PANX1: variants seen among roughly 807,000 people sequenced by gnomAD.
The protein encoded by PANX1 is pannexin-1.
A neutral mutation model predicts 38.7 loss-of-function variants in PANX1; 30 were observed. That is an observed-to-expected ratio of 0.78 (90% CI 0.58 to 1.05). The LOEUF is 1.05. Among genes scored for constraint, PANX1 ranks in the 50% least tolerant of loss-of-function variants. PANX1 has a pLI of 0.00. For synonymous variants in PANX1, 230 were observed against 212.2 expected, an observed-to-expected ratio of 1.08 and a Z score of -0.73; for missense variants, 551 against 517.2, an observed-to-expected ratio of 1.07 and a Z score of -0.63.
At chr11:94,168,995 G>C (rs780046280) in intron 2 of PANX1, among the ~76,000 whole-genome samples, 3 of 151,700 alleles carry the variant, frequency 2.0e-5, no homozygotes, top group Non-Finnish European at 4.4e-5. Flanking sequence ...TGAAGAAGCA[G>C]ATTTTGGAGG....
At chr11:94,144,233 A>AT (rs899146132) in intron 1 of PANX1, among the ~76,000 whole-genome samples, 16 of 151,258 alleles carry the variant, frequency 1.1e-4, no homozygotes, top group African/African-American at 3.2e-4. Context: ...TCCCTCCCCC[A>AT]TTTTTTTTCC....
intron 1 of PANX1, among the ~76,000 whole-genome samples, chr11:94,140,135 A>G (rs1356166273): frequency 1.3e-5 from 2 of 152,252 alleles, no homozygotes; most frequent in African/African-American, 2.4e-5. Flanking sequence ...AGTATGAAGG[A>G]TAAATAGGCT....
chr11:94,163,935 T>C (rs544602650), intron 2 of PANX1, among the ~76,000 whole-genome samples: 1 of 152,328 alleles, frequency 6.6e-6, no homozygotes, highest in Admixed American at 6.5e-5. Context: ...TCAGGTTTTG[T>C]ATTTCTTCAT....
chr11:94,132,627 A>C (rs1946642991), intron 1 of PANX1, among the ~76,000 whole-genome samples: 1 of 152,102 alleles, frequency 6.6e-6, no homozygotes, highest in African/African-American at 2.4e-5. Flanking sequence ...TAAAATTAGA[A>C]ACGAGAAAAT....
At chr11:94,144,652 T>C (rs1302654828) in intron 1 of PANX1, among the ~76,000 whole-genome samples, 2 of 152,164 alleles carry the variant, frequency 1.3e-5, no homozygotes, top group African/African-American at 4.8e-5. Context: ...TTGCTGCTGC[T>C]TGTGTTACGG....
intron 1 of PANX1, among the ~76,000 whole-genome samples, chr11:94,138,576 G>A (rs1371453257): frequency 1.3e-5 from 2 of 152,114 alleles, no homozygotes; most frequent in Admixed American, 1.3e-4. Flanking sequence ...TTTGACACAG[G>A]CATACAATGT....
chr11:94,145,320 G>A (rs1946815784), intron 1 of PANX1, among the ~76,000 whole-genome samples: 1 of 152,132 alleles, frequency 6.6e-6, no homozygotes, highest in South Asian at 2.1e-4. Context: ...GTGCAAGCAT[G>A]TTTTTATCAG....
At chr11:94,158,760 C>A (rs1478102489) in intron 2 of PANX1, among the ~76,000 whole-genome samples, 1 of 152,146 alleles carries the variant, frequency 6.6e-6, no homozygotes, top group Non-Finnish European at 1.5e-5. Flanking sequence ...TGCCTGATTG[C>A]CCTGGCCAGA....
At position 94,146,489 on chromosome 11, in the gene PANX1, G is replaced by A. The variant is rs372986915; in HGVS notation, c.182-7002G>A. 1.4e-4 allele frequency among the ~76,000 whole-genome samples: 21 copies of A among 152,272 alleles called. No homozygotes were observed. The East Asian group carries it at 2.5e-3, about 18-fold the overall frequency. ...TGCACAGGGGGAAAGGCACTTTTAC[G>A]GCAGAAGAGACCTAGCAGGCAGCAC... On this transcript the variant is annotated intron_variant, in intron 1 of 4. Transcript: ENST00000227638.
intron 2 of PANX1, among the ~76,000 whole-genome samples, chr11:94,154,224 A>G (rs1236331382): frequency 1.3e-5 from 2 of 152,222 alleles, no homozygotes; most frequent in Non-Finnish European, 2.9e-5. Context: ...CACAAGAGAC[A>G]CCAATGTCTG....
chr11:94,167,528 C>G (rs929576214), intron 2 of PANX1, among the ~76,000 whole-genome samples: 3 of 152,094 alleles, frequency 2.0e-5, no homozygotes, highest in Admixed American at 2.0e-4. Context: ...ACTAGATGTA[C>G]AAGAAAACCA....
At chr11:94,164,350 C>G (rs990501366) in intron 2 of PANX1, among the ~76,000 whole-genome samples, 8 of 152,076 alleles carry the variant, frequency 5.3e-5, no homozygotes, top group Non-Finnish European at 1.0e-4. Flanking sequence ...CTTTAAACAT[C>G]CCTGTTAGTA....
intron 2 of PANX1, among the ~76,000 whole-genome samples, chr11:94,170,867 T>G (rs1165354852): frequency 6.6e-6 from 1 of 151,786 alleles, no homozygotes; most frequent in Non-Finnish European, 1.5e-5. Context: ...AAGGAGAGTC[T>G]TTCTGGCACA....
In PANX1 at chr11:94,133,063, G is replaced by A. The variant is rs192167747; in HGVS notation, c.181+3570G>A. ...CCACTGGGCTCCTCTCAGAAAAGAG[G>A]GACTGAGCCTGCCTGGGCCACAGAG... On this transcript the variant is annotated intron_variant, in intron 1 of 4. Coordinates refer to ENST00000227638, the MANE Select transcript of PANX1 (RefSeq NM_015368.4). Among the ~76,000 whole-genome samples, 542 of 152,316 alleles carry A rather than the reference G, an allele frequency of 3.6e-3. 4 individuals are homozygous for A. Among genetic ancestry groups the A allele is most frequent in the African/African-American group, 0.012 (503 of 41,574 alleles).
At chr11:94,177,772 G>C (rs1005965004) in intron 2 of PANX1, among the ~76,000 whole-genome samples, 4 of 151,898 alleles carry the variant, frequency 2.6e-5, no homozygotes, top group South Asian at 2.1e-4. Flanking sequence ...CCAACTATAC[G>C]ATGAGGGTGT....
At chr11:94,135,075 AT>A (rs1946672817) in intron 1 of PANX1, among the ~76,000 whole-genome samples, 1 of 152,134 alleles carries the variant, frequency 6.6e-6, no homozygotes, top group Non-Finnish European at 1.5e-5. Flanking sequence ...TGTGGCACAT[AT>A]CCCCTGGGAA....
intron 1 of PANX1, among the ~76,000 whole-genome samples, chr11:94,141,367 G>T (rs977320126): frequency 6.6e-6 from 1 of 152,092 alleles, no homozygotes; most frequent in Non-Finnish European, 1.5e-5. Context: ...TTAGCTTGTA[G>T]TTCCCTATTT....
At chr11:94,156,448 G>A (rs1022364764) in intron 2 of PANX1, among the ~76,000 whole-genome samples, 18 of 152,170 alleles carry the variant, frequency 1.2e-4, no homozygotes, top group Admixed American at 1.0e-3. Context: ...GACCTGCCAC[G>A]TTGGAAGGAC....
At chr11:94,140,057 A>C (rs1375368744) in intron 1 of PANX1, among the ~76,000 whole-genome samples, 1 of 152,240 alleles carries the variant, frequency 6.6e-6, no homozygotes, top group East Asian at 1.9e-4. Context: ...TGGATGGGCT[A>C]AATAGAGTAG....
Sources: gnomAD v4.1 joint callset for allele counts (sites outside exome capture counted in the v4.1 genomes callset) on GRCh38, gnomAD v4.1.1 for gene constraint, MANE v1.5 for transcripts, NCBI Gene and HGNC (gene_info 2026-07-23, HGNC 2026-07-21) for gene names.